EYS: variants seen among roughly 807,000 people sequenced by gnomAD.
EYS encodes EGF-like photoreceptor maintenance factor.
Under a neutral mutation model 282.1 loss-of-function variants are expected in EYS, and 250 were observed. The ratio of observed to expected loss-of-function variants is 0.89; its 90% CI spans 0.80 to 0.98. The LOEUF is 0.98. Ranked by LOEUF, EYS falls within the 50% of genes least tolerant of loss-of-function variation. EYS has a pLI of 0.00. For synonymous variants in EYS, 1,355 were observed against 1,282.9 expected, an observed-to-expected ratio of 1.06 and a Z score of -1.20; for missense variants, 4,016 against 3,709.0, an observed-to-expected ratio of 1.08 and a Z score of -2.15.
At chr6:64,394,688 A>G (rs1201063128) in intron 28 of EYS, among the ~76,000 whole-genome samples, 1 of 151,892 alleles carries the variant, frequency 6.6e-6, no homozygotes, top group African/African-American at 2.4e-5. Flanking sequence ...CTAGAAGAAA[A>G]CCTGGGCATT....
intron 14 of EYS, among the ~76,000 whole-genome samples, chr6:64,960,958 C>G (rs1769892317): frequency 6.6e-6 from 1 of 152,100 alleles, no homozygotes; most frequent in Non-Finnish European, 1.5e-5. Flanking sequence ...GCCTCCAGCT[C>G]CATCCATATC....
chr6:64,067,739 G>C (rs1771427104), intron 32 of EYS, among the ~76,000 whole-genome samples: 1 of 152,120 alleles, frequency 6.6e-6, no homozygotes, highest in Non-Finnish European at 1.5e-5. Flanking sequence ...CACAGTTTCA[G>C]GTGGATCTTG....
chr6:65,065,378 A>G (rs922275061), intron 12 of EYS, among the ~76,000 whole-genome samples: 3 of 150,884 alleles, frequency 2.0e-5, no homozygotes, highest in Non-Finnish European at 4.4e-5. Flanking sequence ...GTCTGGGAAA[A>G]AAACAATTTT....
chr6:64,152,586 C>T (rs1774780669), intron 31 of EYS, among the ~76,000 whole-genome samples: 1 of 152,086 alleles, frequency 6.6e-6, no homozygotes, highest in African/African-American at 2.4e-5. Context: ...TTTAACCTAG[C>T]TTTTAGAAGC....
intron 22 of EYS, among the ~76,000 whole-genome samples, chr6:64,655,246 C>A (rs1768704007): frequency 6.6e-6 from 1 of 152,012 alleles, no homozygotes; most frequent in African/African-American, 2.4e-5. Context: ...CAAGAAATGA[C>A]CTTGCTGAAC....
intron 22 of EYS, among the ~76,000 whole-genome samples, chr6:64,688,937 T>C (rs1430252573): frequency 2.0e-5 from 3 of 151,734 alleles, no homozygotes; most frequent in Non-Finnish European, 4.4e-5. Flanking sequence ...CTCTCACCAC[T>C]CCTATTCAAC....
At chr6:64,253,903 T>C (rs9344924) in intron 30 of EYS, among the ~76,000 whole-genome samples, 50,006 of 152,026 alleles carry the variant, frequency 0.33, 8,206 homozygotes, top group East Asian at 0.51. Context: ...AAGCCATCAG[T>C]TGTGACTGTT....
chr6:64,590,663 A>T lies in EYS; in HGVS notation c.5204T>A (p.Phe1735Tyr). 6.4e-7 allele frequency: 1 copy of T among 1,551,362 alleles called. No homozygotes were observed. Among genetic ancestry groups the T allele is most frequent in the Non-Finnish European group, 8.7e-7 (1 of 1,146,776 alleles). The stretch of plus-strand genomic sequence containing the variant: ...AGAACTATCACTTGGGTGAAGTTTG[A>T]ACAGTGTATGAGATCCTTTACTTTT... ...MEKSKGSHTL[F>Y]KLHPSDSSLD... Residue 1735 changes from phenylalanine (F) to tyrosine (Y), a missense_variant, in exon 26 of 43, where the codon TTC becomes TAC. Physicochemically the swap from Phe to Tyr is conservative, Grantham distance 22 (BLOSUM62 3). Transcript: ENST00000503581.
At position 64,997,603 on chromosome 6, in the gene EYS, A is replaced by C; in HGVS notation, c.2238T>G (p.Ser746=). 6.4e-7 allele frequency: 1 copy of C among 1,551,278 alleles called. No individual in the cohort carries two copies. The highest frequency in any genetic ancestry group is 2.4e-5 in the East Asian group (1 of 40,854). The change falls in exon 14 of 43, where the codon TCT becomes TCG. Residue 746 remains serine (S), a synonymous_variant. Coordinates refer to ENST00000503581, the MANE Select transcript of EYS (RefSeq NM_001142800.2). The stretch of plus-strand genomic sequence containing the variant: ...TAACGAGATGCAGGTCTTTGCAGGT[A>C]GAATTGTGCTCACAGGCATTCAGGA... ...DCILNACEHN[S]TCKDLHLSYQ...
intron 28 of EYS, among the ~76,000 whole-genome samples, chr6:64,408,352 C>T (rs1344099089): frequency 6.6e-6 from 1 of 152,134 alleles, no homozygotes; most frequent in Non-Finnish European, 1.5e-5. Flanking sequence ...CTATGCAACT[C>T]AGCCTCCCTC....
At chr6:64,816,915 C>T (rs1764754946) in intron 21 of EYS, among the ~76,000 whole-genome samples, 1 of 150,894 alleles carries the variant, frequency 6.6e-6, no homozygotes, top group South Asian at 2.1e-4. Context: ...TGTTTCCACA[C>T]AATAGAATAT....
chr6:65,391,022 G>T (rs1176240988), intron 7 of EYS, among the ~76,000 whole-genome samples: 1 of 152,076 alleles, frequency 6.6e-6, no homozygotes. Context: ...AGCATTATGG[G>T]GCTAAGGTTC....
intron 6 of EYS, among the ~76,000 whole-genome samples, chr6:65,404,893 A>G (rs2150365287): frequency 6.6e-6 from 1 of 152,020 alleles, no homozygotes; most frequent in African/African-American, 2.4e-5. Context: ...TGAAAAGTTA[A>G]AGTAAAACAA....
intron 35 of EYS, among the ~76,000 whole-genome samples, chr6:63,957,278 C>A (rs1346688860): frequency 7.1e-6 from 1 of 140,332 alleles, no homozygotes; most frequent in African/African-American, 2.4e-5. Context: ...ACTGAACAGA[C>A]CTCAAAAAGG....
At chr6:65,437,130 A>C (rs1456062731) in intron 5 of EYS, among the ~76,000 whole-genome samples, 1 of 152,182 alleles carries the variant, frequency 6.6e-6, no homozygotes, top group African/African-American at 2.4e-5. Flanking sequence ...TTTATACTAC[A>C]GAAAATGTTG....
intron 24 of EYS, among the ~76,000 whole-genome samples, chr6:64,610,075 C>T (rs1767060417): frequency 6.6e-6 from 1 of 152,008 alleles, no homozygotes; most frequent in Non-Finnish European, 1.5e-5. Flanking sequence ...CTGTGCCCAA[C>T]TCTCCAATGG....
intron 24 of EYS, among the ~76,000 whole-genome samples, chr6:64,598,090 A>G (rs138428216): frequency 6.6e-6 from 1 of 152,332 alleles, no homozygotes; most frequent in East Asian, 1.9e-4. Flanking sequence ...TAAGTGGAAA[A>G]ATATCCACAG....
chr6:65,593,882 C>T (rs1765315349), intron 2 of EYS, among the ~76,000 whole-genome samples: 1 of 151,740 alleles, frequency 6.6e-6, no homozygotes, highest in South Asian at 2.1e-4. Flanking sequence ...AGGTATTGTT[C>T]CAAAAAACTT....
At chr6:63,798,694 G>A (rs1345953601) in intron 37 of EYS, among the ~76,000 whole-genome samples, 1 of 151,888 alleles carries the variant, frequency 6.6e-6, no homozygotes, top group East Asian at 1.9e-4. Context: ...TGTTCTGTAG[G>A]GTGACATTCA....
Sources: gnomAD v4.1 joint callset for allele counts (sites outside exome capture counted in the v4.1 genomes callset) on GRCh38, gnomAD v4.1.1 for gene constraint, MANE v1.5 for transcripts, NCBI Gene and HGNC (gene_info 2026-07-23, HGNC 2026-07-21) for gene names.